The following MYCL variants were observed in gnomAD, a reference collection of about 807,000 sequenced individuals.
MYCL encodes protein L-Myc.
A neutral mutation model predicts 31.0 loss-of-function variants in MYCL; 11 were observed. That is an observed-to-expected ratio of 0.35 (90% CI 0.22 to 0.59). The LOEUF is 0.59. Ranked by LOEUF, MYCL falls within the 20% of genes least tolerant of loss-of-function variation. The probability of loss-of-function intolerance (pLI) is 0.79; values close to 1 mark genes in which losing one functional copy is unlikely to be tolerated. For missense variants in MYCL, 427 were observed against 486.1 expected (o/e 0.88, Z 1.14); for synonymous variants, 208 against 202.4 (o/e 1.03, Z -0.23).
chr1:39,901,745 G>A lies in MYCL; in HGVS notation c.-311C>T. ...GGCGGGGGCGCGCCGTGCCCAGAAG[G>A]CAGCCTGCAGCCAGCCCGCACCGCG... On this transcript the variant is annotated 5_prime_UTR_variant, in exon 1 of 2. Transcript: ENST00000372816. The surrounding 1 kb of genome is among the most constrained non-coding windows in gnomAD (Gnocchi z 6.9). The A allele has an allele frequency of 8.3e-7, 1 of 1,211,276 alleles. No individual in the cohort carries two copies. The highest frequency in any genetic ancestry group is 1.0e-6 in the Non-Finnish European group (1 of 976,928). 75.0% of individuals were successfully genotyped at this position (1,211,276 alleles called of 1,614,324 possible).
At chr1:39,900,746 C>T in intron 1 of MYCL, 193 bp downstream of exon 1, 2 of 1,409,468 alleles carry the variant, frequency 1.4e-6, no homozygotes, top group Non-Finnish European at 1.9e-6. Flanking sequence ...TCCCACGCCA[C>T]TTTTCCAAAC....
At position 39,897,153 on chromosome 1, in the gene MYCL, A is replaced by ATC. The variant is rs1283828108; in HGVS notation, c.*218_*219insGA. 2 of 575,450 alleles carry ATC rather than the reference A, an allele frequency of 3.5e-6. No homozygotes were observed. The highest frequency in any genetic ancestry group is 5.7e-5 in the East Asian group (2 of 35,344). 35.6% of individuals were successfully genotyped at this position (575,450 alleles called of 1,614,324 possible). A position where few individuals can be genotyped will look rare whatever the true frequency, so the allele number is the denominator to read the frequency against. On this transcript the variant is annotated 3_prime_UTR_variant, in exon 2 of 2. Transcript: ENST00000372816. This position sits in a 1 kb window ranked among gnomAD's most constrained non-coding sequence, Gnocchi z 4.3. ...TGGGAAGCCAAAGGCGCCAGAGAAC[A>ATC]TACAGCACTCCCATGAGTCAGGGAA...
At position 39,897,824 on chromosome 1, in the gene MYCL, C is replaced by G. The variant is rs745599107; in HGVS notation, c.643G>C (p.Ala215Pro). Residue 215 changes from alanine (A) to proline (P), a missense_variant, in exon 2 of 2, where the codon GCT (alanine) becomes CCT (proline). By Grantham distance (27) the Ala-to-Pro change is conservative. Transcript: ENST00000372816. The surrounding 1 kb of genome is among the most constrained non-coding windows in gnomAD (Gnocchi z 4.3). ...ISIHQQQHNY[A>P]ARFPPESCSQ... ...CAGCTTTCTGGAGGAAAACGGGCAG[C>G]ATAGTTGTGCTGTTGCTGATGGATG... 6.2e-7 allele frequency: 1 copy of G among 1,614,190 alleles called. No homozygotes were observed. The highest frequency in any genetic ancestry group is 8.5e-7 in the Non-Finnish European group (1 of 1,180,028).
In MYCL at chr1:39,901,845, C is replaced by T. The variant is rs1447872500; in HGVS notation, c.-411G>A. 3 of 1,259,630 alleles carry T rather than the reference C, an allele frequency of 2.4e-6. No homozygotes were observed. Among genetic ancestry groups the T allele is most frequent in the Admixed American group, 6.8e-5 (2 of 29,496 alleles). The allele number at this position is 1,259,630 out of a possible 1,614,324, so 78.0% of individuals were successfully genotyped here. A position where few individuals can be genotyped will look rare whatever the true frequency, so the allele number is the denominator to read the frequency against. ...GCCCGCCACCTGGAGCGGACCGGCTCCCCGCCGGCTCGGGGCAGCCCGGCA... is the reference window on the plus strand; with the variant it reads ...GCCCGCCACCTGGAGCGGACCGGCTTCCCGCCGGCTCGGGGCAGCCCGGCA... On this transcript the variant is annotated 5_prime_UTR_variant, in exon 1 of 2. Coordinates refer to ENST00000372816, the MANE Select transcript of MYCL (RefSeq NM_001033081.3). This position sits in a 1 kb window ranked among gnomAD's most constrained non-coding sequence, Gnocchi z 6.9.
chr1:39,901,860 G>A lies in MYCL; in HGVS notation c.-426C>T, dbSNP rs1644544794. On this transcript the variant is annotated 5_prime_UTR_variant, in exon 1 of 2. Transcript: ENST00000372816. The surrounding 1 kb of genome is among the most constrained non-coding windows in gnomAD (Gnocchi z 6.9). Reference sequence around the variant, plus strand: ...CGGACCGGCTCCCCGCCGGCTCGGGGCAGCCCGGCAGCCAGCACACACGCA... The same window carrying A: ...CGGACCGGCTCCCCGCCGGCTCGGGACAGCCCGGCAGCCAGCACACACGCA... 6 of 1,226,464 alleles carry A rather than the reference G, an allele frequency of 4.9e-6. No homozygotes were observed. Among genetic ancestry groups the A allele is most frequent in the Non-Finnish European group, 6.1e-6 (6 of 977,072 alleles). The allele number at this position is 1,226,464 out of a possible 1,614,324, so 76.0% of individuals were successfully genotyped here. A position where few individuals can be genotyped will look rare whatever the true frequency, so the allele number is the denominator to read the frequency against.
At chr1:39,900,860 A>G (rs376356470) in intron 1 of MYCL, 79 bp downstream of exon 1, 59 of 1,512,398 alleles carry the variant, frequency 3.9e-5, no homozygotes, top group African/African-American at 3.3e-4. Context: ...AGAAGAGCCA[A>G]TGCCTGACCT....
At chr1:39,899,033 A>G (rs1403805852) in intron 1 of MYCL, 5 of 985,460 alleles carry the variant, frequency 5.1e-6, no homozygotes, top group Non-Finnish European at 6.0e-6. Flanking sequence ...GAAGGCTTCC[A>G]TTGTGTGGAC....
Position 39,897,803 on chromosome 1 carries a change from T to C in MYCL, c.664A>G (p.Ser222Gly). The change falls in exon 2 of 2, where the codon AGC becomes GGC. Residue 222 changes from serine (S) to glycine (G), a missense_variant. Physicochemically the swap from Ser to Gly is moderately conservative, Grantham distance 56 (BLOSUM62 0). Transcript: ENST00000372816. This position sits in a 1 kb window ranked among gnomAD's most constrained non-coding sequence, Gnocchi z 4.3. ...TCTGAAGCCTCTTCTTGGGAGCAGC[T>C]TTCTGGAGGAAAACGGGCAGCATAG... ...HNYAARFPPE[S>G]CSQEEASERG... 1 of 1,614,180 alleles carries C rather than the reference T, an allele frequency of 6.2e-7. No individual in the cohort carries two copies. The highest frequency in any genetic ancestry group is 1.1e-5 in the South Asian group (1 of 91,086).
At position 39,897,373 on chromosome 1, in the gene MYCL, T is replaced by C. The variant is rs750222455; in HGVS notation, c.1094A>G (p.Ter365=). 8.8e-6 allele frequency: 14 copies of C among 1,587,196 alleles called. No homozygotes were observed. The African/African-American group carries it at 1.4e-4, about 15-fold the overall frequency. ...AGAACTGTCAGGCTTTTTGGTCAGT[T>C]AGTAGCCAGTGAGGTATGCAATTCT... ...QKRIAYLTGY[*] is the part of the protein sequence containing the mutation. Residue 365 remains the stop codon, a stop_retained_variant, in exon 2 of 2, where the codon TAA becomes TGA. Coordinates refer to ENST00000372816, the MANE Select transcript of MYCL (RefSeq NM_001033081.3). The surrounding 1 kb of genome is among the most constrained non-coding windows in gnomAD (Gnocchi z 4.3).
At chr1:39,899,292 G>A (rs940071841) in intron 1 of MYCL, among the ~76,000 whole-genome samples, 4 of 152,186 alleles carry the variant, frequency 2.6e-5, no homozygotes, top group Non-Finnish European at 4.4e-5. Flanking sequence ...TAAAGGGTAG[G>A]TTAGAAAATG....
At position 39,901,176 on chromosome 1, in the gene MYCL, C is replaced by A. The variant is rs147688639; in HGVS notation, c.259G>T (p.Ala87Ser). ...GHSKGWGRNY[A>S]SIIRRDCMWS... ...ATGCAGTCACGGCGTATGATGGAGG[C>A]GTAGTTCCTGCCCCAGCCTTTCGAG... Residue 87 changes from alanine (A) to serine (S), a missense_variant, in exon 1 of 2, where the codon GCC becomes TCC. Ala to Ser is a moderately conservative substitution (Grantham distance 99). Coordinates refer to ENST00000372816, the MANE Select transcript of MYCL (RefSeq NM_001033081.3). This position sits in a 1 kb window ranked among gnomAD's most constrained non-coding sequence, Gnocchi z 6.9. 6.2e-7 allele frequency: 1 copy of A among 1,613,232 alleles called. No homozygotes were observed. Among genetic ancestry groups the A allele is most frequent in the Non-Finnish European group, 8.5e-7 (1 of 1,179,696 alleles).
rs1421462524 is a variant in MYCL, at chr1:39,901,753, C to A, written c.-319G>T. On this transcript the variant is annotated 5_prime_UTR_variant, in exon 1 of 2. Coordinates refer to ENST00000372816, the MANE Select transcript of MYCL (RefSeq NM_001033081.3). The surrounding 1 kb of genome is among the most constrained non-coding windows in gnomAD (Gnocchi z 6.9). Reference sequence around the variant, plus strand: ...CGCGCCGTGCCCAGAAGGCAGCCTGCAGCCAGCCCGCACCGCGGGACCCGC... The same window carrying A: ...CGCGCCGTGCCCAGAAGGCAGCCTGAAGCCAGCCCGCACCGCGGGACCCGC... The A allele has an allele frequency of 2.5e-6, 3 of 1,213,976 alleles. No homozygotes were observed. Among genetic ancestry groups the A allele is most frequent in the African/African-American group, 1.6e-5 (1 of 62,168 alleles). 75.2% of individuals were successfully genotyped at this position (1,213,976 alleles called of 1,614,324 possible). A position where few individuals can be genotyped will look rare whatever the true frequency, so the allele number is the denominator to read the frequency against.
chr1:39,898,529 G>A, intron 1 of MYCL: 1 of 377,140 alleles, frequency 2.7e-6, no homozygotes, highest in Non-Finnish European at 3.7e-6. Context: ...GAGAAGGGAG[G>A]GCTACAACCC....
chr1:39,895,798 T>G lies in MYCL; in HGVS notation c.*1574A>C, dbSNP rs551157859. 22 of 224,798 alleles carry G rather than the reference T, an allele frequency of 9.8e-5. No individual in the cohort carries two copies. The highest frequency in any genetic ancestry group is 1.5e-4 in the Non-Finnish European group (17 of 112,672). 13.9% of individuals were successfully genotyped at this position (224,798 alleles called of 1,614,324 possible). A position where few individuals can be genotyped will look rare whatever the true frequency, so the allele number is the denominator to read the frequency against. On this transcript the variant is annotated 3_prime_UTR_variant, in exon 2 of 2. Coordinates refer to ENST00000372816, the MANE Select transcript of MYCL (RefSeq NM_001033081.3). ...GCTCCAGAAGGGTAGAGAGGCTATT[T>G]CCAAACATCCCCTGGGGTCCTCTGA...
At position 39,901,910 on chromosome 1, in the gene MYCL, C is replaced by G; in HGVS notation, c.-476G>C. 5 of 1,132,876 alleles carry G rather than the reference C, an allele frequency of 4.4e-6. No individual in the cohort carries two copies. Among genetic ancestry groups the G allele is most frequent in the Non-Finnish European group, 5.4e-6 (5 of 922,546 alleles). 70.2% of individuals were successfully genotyped at this position (1,132,876 alleles called of 1,614,324 possible). Reference sequence around the variant, plus strand: ...ACATGCGCGCCGCCGAGAGCGCGGCCCGCACTCACAAGCGCGCCCCCCCCG... The same window carrying G: ...ACATGCGCGCCGCCGAGAGCGCGGCGCGCACTCACAAGCGCGCCCCCCCCG... On this transcript the variant is annotated 5_prime_UTR_variant, in exon 1 of 2. Transcript: ENST00000372816. This position sits in a 1 kb window ranked among gnomAD's most constrained non-coding sequence, Gnocchi z 6.9.
At position 39,901,651 on chromosome 1, in the gene MYCL, G is replaced by T; in HGVS notation, c.-217C>A. 1.5e-6 allele frequency: 2 copies of T among 1,351,608 alleles called. No individual in the cohort carries two copies. The highest frequency in any genetic ancestry group is 1.9e-5 in the South Asian group (1 of 53,048). The allele number at this position is 1,351,608 out of a possible 1,614,324, so 83.7% of individuals were successfully genotyped here. ...AATCGCAGCGCGCGGACCCGACTGT[G>T]GGCAGCGAGTTCAAAGCAAACTTTG... is the stretch of plus-strand genomic sequence containing the variant. On this transcript the variant is annotated 5_prime_UTR_variant, in exon 1 of 2. Coordinates refer to ENST00000372816, the MANE Select transcript of MYCL (RefSeq NM_001033081.3). This position sits in a 1 kb window ranked among gnomAD's most constrained non-coding sequence, Gnocchi z 6.9.
In MYCL at chr1:39,897,126, G is replaced by T; in HGVS notation, c.*246C>A. ...CCCAAGGCTCCTCAGTCAGCTGCCT[G>T]CTGGGAAGCCAAAGGCGCCAGAGAA... is the stretch of plus-strand genomic sequence containing the variant. On this transcript the variant is annotated 3_prime_UTR_variant, in exon 2 of 2. Transcript: ENST00000372816. The surrounding 1 kb of genome is among the most constrained non-coding windows in gnomAD (Gnocchi z 4.3). The T allele has an allele frequency of 2.0e-6, 1 of 500,184 alleles. No homozygotes were observed. Among genetic ancestry groups the T allele is most frequent in the East Asian group, 3.2e-5 (1 of 30,832 alleles). The allele number at this position is 500,184 out of a possible 1,614,324, so 31.0% of individuals were successfully genotyped here. A position where few individuals can be genotyped will look rare whatever the true frequency, so the allele number is the denominator to read the frequency against.
At chr1:39,900,030 G>A in intron 1 of MYCL, 1 of 985,524 alleles carries the variant, frequency 1.0e-6, no homozygotes, top group Non-Finnish European at 1.2e-6. Context: ...TTGCATCAAG[G>A]ATGGGAGAGG....
intron 1 of MYCL, among the ~76,000 whole-genome samples, chr1:39,898,350 G>A (rs1372502801): frequency 1.3e-5 from 2 of 152,194 alleles, no homozygotes; most frequent in African/African-American, 2.4e-5. Context: ...TTCCCCAGTC[G>A]GGCTCTTTCA....
Sources: allele counts gnomAD v4.1 joint callset (sites outside exome capture counted in the v4.1 genomes callset), GRCh38; gene constraint gnomAD v4.1.1; non-coding constraint Gnocchi (gnomAD v3.1); transcripts MANE v1.5; gene names NCBI Gene and HGNC (gene_info 2026-07-23, HGNC 2026-07-21).